Variants in CSMD1 observed in about 807,000 individuals in gnomAD.
The protein encoded by CSMD1 is CUB and Sushi multiple domains 1, also known as CUB and sushi domain-containing protein 1.
A neutral mutation model predicts 417.5 loss-of-function variants in CSMD1; 213 were observed. The ratio of observed to expected loss-of-function variants is 0.51; its 90% CI spans 0.46 to 0.57. CSMD1 has a LOEUF of 0.57. Ranked by LOEUF, CSMD1 falls within the 20% of genes least tolerant of loss-of-function variation. The pLI, the probability that CSMD1 is intolerant of heterozygous loss-of-function variation, is 0.00. For synonymous variants in CSMD1, 2,862 were observed against 1,736.8 expected (o/e 1.65, Z -16.11); for missense variants, 6,923 against 4,529.7 (o/e 1.53, Z -15.17).
rs1480149889 is a variant in CSMD1 at position 4,489,077 on chromosome 8, A to AT, written c.303-69013dup. Among the ~76,000 whole-genome samples, 8 of 152,132 alleles carry AT rather than the reference A, an allele frequency of 5.3e-5. No individual in the cohort carries two copies. In the East Asian group the frequency reaches 7.8e-4, roughly 15 times the overall value. On this transcript the variant is annotated intron_variant, in intron 2 of 69. Transcript: ENST00000635120. ...AGGTGCGTGCCACCACACACAGCTA[A>AT]TTTTTTGTATTTTTAGTAGAGACGG...
intron 5 of CSMD1, among the ~76,000 whole-genome samples, chr8:3,922,262 G>A (rs1584969886): frequency 6.6e-6 from 1 of 151,562 alleles, no homozygotes; most frequent in East Asian, 1.9e-4. Context: ...CAACCTATGT[G>A]TGCTCTTAAA....
rs570255998 is a variant in CSMD1, at chr8:4,044,133, C to T, written c.416-12034G>A. 5.4e-4 allele frequency among the ~76,000 whole-genome samples: 82 copies of T among 152,258 alleles called. 3 individuals are homozygous for T. The South Asian group carries it at 0.016, about 30-fold the overall frequency. On this transcript the variant is annotated intron_variant, in intron 3 of 69. Transcript: ENST00000635120. ...TGATATTTTCTGGCTCACATGTTCT[C>T]ATCTTAACAGTAAGAAAGAAGATGA... is the stretch of plus-strand genomic sequence containing the variant.
At chr8:3,432,471 C>T (rs530619875) in intron 12 of CSMD1, among the ~76,000 whole-genome samples, 3 of 150,882 alleles carry the variant, frequency 2.0e-5, no homozygotes, top group South Asian at 2.1e-4. Context: ...GTTACTCCTT[C>T]CCATTACTGA....
At position 4,239,171 on chromosome 8, in the gene CSMD1, G is replaced by A. The variant is rs1389052424; in HGVS notation, c.415+180782C>T. ...AATCATTACGTTCTCCACCAGAGTTGAATGAACTATCTTCTTACATTAGAG... is the reference window on the plus strand; with the variant it reads ...AATCATTACGTTCTCCACCAGAGTTAAATGAACTATCTTCTTACATTAGAG... On this transcript the variant is annotated intron_variant, in intron 3 of 69. Coordinates refer to ENST00000635120, the MANE Select transcript of CSMD1 (RefSeq NM_033225.6). Among the ~76,000 whole-genome samples, 3 of 152,300 alleles carry A rather than the reference G, an allele frequency of 2.0e-5. No homozygotes were observed. The East Asian group carries it at 5.8e-4, about 29-fold the overall frequency.
chr8:3,233,041 A>G lies in CSMD1; in HGVS notation c.4154-2810T>C, dbSNP rs547303630. On this transcript the variant is annotated intron_variant, in intron 26 of 69. Transcript: ENST00000635120. ...TGACATAGTTGACTGATGATTGTTT[A>G]AATTTTCATACATACTTATCAATTT... 5.3e-5 allele frequency among the ~76,000 whole-genome samples: 8 copies of G among 152,196 alleles called. No individual in the cohort carries two copies. In the South Asian group the frequency reaches 1.7e-3, roughly 31 times the overall value.
intron 49 of CSMD1, among the ~76,000 whole-genome samples, chr8:3,061,769 C>G (rs1433527416): frequency 1.3e-5 from 2 of 152,176 alleles, no homozygotes; most frequent in Non-Finnish European, 2.9e-5. Context: ...AAATTCCCTG[C>G]CATTGTGAAA....
At position 4,050,473 on chromosome 8, in the gene CSMD1, G is replaced by A. The variant is rs564768048; in HGVS notation, c.416-18374C>T. Among the ~76,000 whole-genome samples the A allele has an allele frequency of 7.3e-4, 111 of 151,896 alleles. 3 individuals carry two copies. Among genetic ancestry groups the A allele is most frequent in the South Asian group, 1.0e-3 (5 of 4,806 alleles). On this transcript the variant is annotated intron_variant, in intron 3 of 69. Coordinates refer to ENST00000635120, the MANE Select transcript of CSMD1 (RefSeq NM_033225.6). The stretch of plus-strand genomic sequence containing the variant: ...GGTACATATTTTGATACAGGCATAC[G>A]ATGAATTTTAATTGCATCAGGGTAA...
chr8:3,925,251 C>G (rs140858039), intron 5 of CSMD1, among the ~76,000 whole-genome samples: 1 of 152,272 alleles, frequency 6.6e-6, no homozygotes, highest in Non-Finnish European at 1.5e-5. Context: ...ATAAGTAATG[C>G]ATTTGGGGAA....
At chr8:4,487,360 C>T (rs1801470555) in intron 2 of CSMD1, among the ~76,000 whole-genome samples, 1 of 152,124 alleles carries the variant, frequency 6.6e-6, no homozygotes, top group South Asian at 2.1e-4. Context: ...GTTCCCCTTC[C>T]TGTGTCCATG....
chr8:2,972,475 T>C (rs1315787312), intron 57 of CSMD1, among the ~76,000 whole-genome samples: 1 of 152,222 alleles, frequency 6.6e-6, no homozygotes, highest in Non-Finnish European at 1.5e-5. Context: ...GAACTCCGAA[T>C]ACATGGTTAC....
At position 4,362,149 on chromosome 8, in the gene CSMD1, G is replaced by A. The variant is rs552096756; in HGVS notation, c.415+57804C>T. On this transcript the variant is annotated intron_variant, in intron 3 of 69. Coordinates refer to ENST00000635120, the MANE Select transcript of CSMD1 (RefSeq NM_033225.6). Reference sequence around the variant, plus strand: ...TTATAAAAATAGAATTATGACAGAGGGTAATTCAATTTACATGAGTACAGT... The same window carrying A: ...TTATAAAAATAGAATTATGACAGAGAGTAATTCAATTTACATGAGTACAGT... Among the ~76,000 whole-genome samples the A allele has an allele frequency of 3.9e-5, 6 of 152,080 alleles. No homozygotes were observed. In the South Asian group the frequency reaches 6.2e-4, roughly 16 times the overall value.
At chr8:3,140,523 C>G (rs1350565569) in intron 41 of CSMD1, among the ~76,000 whole-genome samples, 2 of 152,288 alleles carry the variant, frequency 1.3e-5, no homozygotes, top group East Asian at 3.9e-4. Flanking sequence ...CCAGTTTCCT[C>G]TCTTTTTTGC....
chr8:4,592,735 T>C (rs1183715552), intron 2 of CSMD1, among the ~76,000 whole-genome samples: 6 of 152,174 alleles, frequency 3.9e-5, no homozygotes, highest in Non-Finnish European at 8.8e-5. Flanking sequence ...CCAAAATGTG[T>C]GCTAAATTTT....
intron 24 of CSMD1, 93 bp from the exon 25 acceptor site, chr8:3,307,914 A>C: frequency 7.5e-7 from 1 of 1,338,366 alleles, no homozygotes; most frequent in Non-Finnish European, 1.0e-6. Flanking sequence ...TTATGTCTGC[A>C]TTATATACAT....
At chr8:3,767,308 T>C (rs1316648941) in intron 5 of CSMD1, among the ~76,000 whole-genome samples, 1 of 152,226 alleles carries the variant, frequency 6.6e-6, no homozygotes, top group Admixed American at 6.5e-5. Flanking sequence ...GTGTGGTCAT[T>C]ACGAACACGG....
At chr8:4,701,945 C>T (rs1811552) in intron 1 of CSMD1, among the ~76,000 whole-genome samples, 67,746 of 152,012 alleles carry the variant, frequency 0.45, 15,391 homozygotes, top group Admixed American at 0.56. Flanking sequence ...GGAATGAGAT[C>T]ATGTCCTTTG....
chr8:4,108,979 C>G (rs369839698), intron 3 of CSMD1, among the ~76,000 whole-genome samples: 1 of 152,230 alleles, frequency 6.6e-6, no homozygotes, highest in South Asian at 2.1e-4. Context: ...TACAGTTTTT[C>G]CGAATTATCT....
chr8:3,951,817 T>C (rs1205941654), intron 5 of CSMD1, among the ~76,000 whole-genome samples: 3 of 151,834 alleles, frequency 2.0e-5, no homozygotes, highest in South Asian at 4.2e-4. Context: ...AAGTGAAAAA[T>C]AGTAACTCAA....
intron 3 of CSMD1, among the ~76,000 whole-genome samples, chr8:4,296,204 T>C (rs1017987613): frequency 1.3e-5 from 2 of 152,084 alleles, no homozygotes; most frequent in African/African-American, 2.4e-5. Context: ...TCAACTCATC[T>C]CCAGCTGGGT....
Sources: gnomAD v4.1 joint callset for allele counts (sites outside exome capture counted in the v4.1 genomes callset) on GRCh38, gnomAD v4.1.1 for gene constraint, MANE v1.5 for transcripts, NCBI Gene and HGNC (gene_info 2026-07-23, HGNC 2026-07-21) for gene names.